LDB2: variants seen among roughly 807,000 people sequenced by gnomAD.
The protein encoded by LDB2 is LIM domain binding 2.
A neutral mutation model predicts 44.3 loss-of-function variants in LDB2; 12 were observed. The observed-to-expected ratio is 0.27, with a 90% CI of 0.17 to 0.44. LDB2 has a LOEUF of 0.44. Among genes scored for constraint, LDB2 ranks in the 20% least tolerant of loss-of-function variants. LDB2 has a pLI of 1.00. For missense variants in LDB2, 344 were observed against 473.5 expected, an observed-to-expected ratio of 0.73 and a Z score of 2.54; for synonymous variants, 164 against 174.8, an observed-to-expected ratio of 0.94 and a Z score of 0.49.
chr4:16,602,543 C>A (rs750882620), intron 2 of LDB2, among the ~76,000 whole-genome samples: 2 of 152,054 alleles, frequency 1.3e-5, no homozygotes. Flanking sequence ...AAATGGCTTC[C>A]GTTTTATCCT....
At chr4:16,527,126 C>A (rs1339312742) in intron 5 of LDB2, among the ~76,000 whole-genome samples, 1 of 152,156 alleles carries the variant, frequency 6.6e-6, no homozygotes, top group Non-Finnish European at 1.5e-5. Context: ...CACCCCAAAT[C>A]TCAGAGAAAG....
At chr4:16,506,371 T>G (rs1560298987) in intron 7 of LDB2, 1 of 168,126 alleles carries the variant, frequency 5.9e-6, no homozygotes, top group Non-Finnish European at 1.3e-5. Flanking sequence ...AACTCTCATT[T>G]CCTAACGGTG....
At chr4:16,716,948 A>G (rs1757180934) in intron 2 of LDB2, among the ~76,000 whole-genome samples, 1 of 152,132 alleles carries the variant, frequency 6.6e-6, no homozygotes, top group African/African-American at 2.4e-5. Flanking sequence ...AAATGAAGTT[A>G]AACATAAAAG....
intron 2 of LDB2, among the ~76,000 whole-genome samples, chr4:16,600,554 G>A (rs569823382): frequency 5.8e-4 from 88 of 152,256 alleles, no homozygotes; most frequent in African/African-American, 2.0e-3. Flanking sequence ...TTATTCAGGT[G>A]TTGAAATGTG....
At chr4:16,702,062 A>G (rs1366193452) in intron 2 of LDB2, among the ~76,000 whole-genome samples, 1 of 152,220 alleles carries the variant, frequency 6.6e-6, no homozygotes, top group African/African-American at 2.4e-5. Flanking sequence ...AAAAGAAAGA[A>G]TTTATAGCTC....
chr4:16,543,455 G>C (rs34093228), intron 5 of LDB2, among the ~76,000 whole-genome samples: 20,123 of 152,100 alleles, frequency 0.13, 1,493 homozygotes, highest in South Asian at 0.27. Context: ...ACTTTTTAAC[G>C]ATCGCCATTC....
intron 2 of LDB2, among the ~76,000 whole-genome samples, chr4:16,635,759 T>C (rs916718916): frequency 6.6e-6 from 1 of 152,240 alleles, no homozygotes; most frequent in South Asian, 2.1e-4. Context: ...TTGCCCTTGG[T>C]AGCTACTCCA....
chr4:16,781,636 A>G (rs1773254895), intron 1 of LDB2, among the ~76,000 whole-genome samples: 1 of 152,188 alleles, frequency 6.6e-6, no homozygotes, highest in African/African-American at 2.4e-5. Flanking sequence ...GATGCTCATC[A>G]AAGTTAAGTA....
chr4:16,876,054 C>T (rs74609854), intron 1 of LDB2, among the ~76,000 whole-genome samples: 2,129 of 152,294 alleles, frequency 0.014, 51 homozygotes, highest in African/African-American at 0.048. Flanking sequence ...GTCCCTGGCT[C>T]CAATCCTGCC....
intron 5 of LDB2, among the ~76,000 whole-genome samples, chr4:16,546,357 CTAATT>C (rs1043639456): frequency 3.9e-4 from 59 of 152,286 alleles, no homozygotes; most frequent in African/African-American, 1.4e-3. Context: ...CCACGTAAAA[CTAATT>C]TAAAGGAAAT....
At chr4:16,873,509 A>AC (rs914934631) in intron 1 of LDB2, among the ~76,000 whole-genome samples, 2 of 152,142 alleles carry the variant, frequency 1.3e-5, no homozygotes, top group African/African-American at 4.8e-5. Flanking sequence ...GACAAAAAAA[A>AC]AAATGTTCTT....
chr4:16,514,841 G>C lies in LDB2; in HGVS notation c.616-2737C>G, dbSNP rs139289905. 5.0e-3 allele frequency among the ~76,000 whole-genome samples: 760 copies of C among 152,238 alleles called. 8 individuals carry two copies. The highest frequency in any genetic ancestry group is 0.017 in the African/African-American group (720 of 41,550). On this transcript the variant is annotated intron_variant, in intron 5 of 7. Coordinates refer to ENST00000304523, the MANE Select transcript of LDB2 (RefSeq NM_001290.5). The stretch of plus-strand genomic sequence containing the variant: ...TAATATGGAAAAACCTGTGAAAAAG[G>C]CAAGATTACTATAGAGTTAACTCCA...
chr4:16,728,070 G>A (rs950531434), intron 2 of LDB2, among the ~76,000 whole-genome samples: 5 of 152,166 alleles, frequency 3.3e-5, no homozygotes, highest in Non-Finnish European at 7.3e-5. Context: ...GGAATTTCTA[G>A]AAGTTGCATT....
At chr4:16,859,375 C>T (rs928369779) in intron 1 of LDB2, among the ~76,000 whole-genome samples, 7 of 152,148 alleles carry the variant, frequency 4.6e-5, no homozygotes, top group Non-Finnish European at 7.4e-5. Flanking sequence ...CAATCACGTG[C>T]ACCTTAATAA....
At chr4:16,730,030 C>T (rs1760407225) in intron 2 of LDB2, among the ~76,000 whole-genome samples, 1 of 152,158 alleles carries the variant, frequency 6.6e-6, no homozygotes, top group African/African-American at 2.4e-5. Flanking sequence ...ATGCTAAAAA[C>T]AACAGGCTCT....
chr4:16,557,785 A>T (rs1740304829), intron 5 of LDB2, among the ~76,000 whole-genome samples: 1 of 152,068 alleles, frequency 6.6e-6, no homozygotes, highest in Admixed American at 6.6e-5. Flanking sequence ...CTGACCCCTG[A>T]CCCCTGAGCA....
chr4:16,583,696 G>T (rs1418682328), intron 5 of LDB2, among the ~76,000 whole-genome samples: 1 of 152,158 alleles, frequency 6.6e-6, no homozygotes, highest in African/African-American at 2.4e-5. Flanking sequence ...CACTGCTTTT[G>T]GGCAATGAGT....
intron 5 of LDB2, among the ~76,000 whole-genome samples, chr4:16,539,411 G>C (rs1310174150): frequency 6.6e-6 from 1 of 152,190 alleles, no homozygotes; most frequent in East Asian, 1.9e-4. Flanking sequence ...GAACTAGAAG[G>C]ATAAGCAGGG....
chr4:16,769,161 G>A lies in LDB2; in HGVS notation c.133-9901C>T, dbSNP rs188017536. Among the ~76,000 whole-genome samples, 270 of 152,322 alleles carry A rather than the reference G, an allele frequency of 1.8e-3. 2 individuals are homozygous for A. Among genetic ancestry groups the A allele is most frequent in the African/African-American group, 6.3e-3 (263 of 41,566 alleles). ...TCACACCTATGGAATTCGGCTTGAAGACACACAAATAAAAGTAATAAGGTA... is the reference window on the plus strand; with the variant it reads ...TCACACCTATGGAATTCGGCTTGAAAACACACAAATAAAAGTAATAAGGTA... On this transcript the variant is annotated intron_variant, in intron 1 of 7. Transcript: ENST00000304523.
Sources: allele counts gnomAD v4.1 joint callset (sites outside exome capture counted in the v4.1 genomes callset), GRCh38; gene constraint gnomAD v4.1.1; transcripts MANE v1.5; gene names NCBI Gene and HGNC (gene_info 2026-07-23, HGNC 2026-07-21).